Variants in COL23A1 observed in about 807,000 individuals in gnomAD.
COL23A1 encodes the protein collagen type XXIII alpha 1 chain, also known as collagen alpha-1(XXIII) chain.
Under a neutral mutation model 99.3 loss-of-function variants are expected in COL23A1, and 97 were observed. That is an observed-to-expected ratio of 0.98 (90% CI 0.83 to 1.16). COL23A1 has a LOEUF of 1.16. Among genes scored for constraint, COL23A1 ranks in the 50% most tolerant of loss-of-function variants. The pLI is 0.00. For synonymous variants in COL23A1, 320 were observed against 308.2 expected, an observed-to-expected ratio of 1.04 and a Z score of -0.40; for missense variants, 762 against 757.4, an observed-to-expected ratio of 1.01 and a Z score of -0.07.
At chr5:178,440,805 T>C (rs6892799) in intron 2 of COL23A1, among the ~76,000 whole-genome samples, 52,568 of 151,742 alleles carry the variant, frequency 0.35, 14,330 homozygotes, top group African/African-American at 0.76. Flanking sequence ...TTAGTAGAGA[T>C]GGGGCTTCAT....
At chr5:178,254,314 G>T (rs760001265) in intron 16 of COL23A1, among the ~76,000 whole-genome samples, 5 of 152,210 alleles carry the variant, frequency 3.3e-5, no homozygotes, top group Admixed American at 1.3e-4. Context: ...GCATGCCTGG[G>T]GGTGGGTGCC....
chr5:178,250,128 A>G (rs1203836906), intron 17 of COL23A1, 23 bp from the exon 18 acceptor site: 1 of 1,614,000 alleles, frequency 6.2e-7, no homozygotes, highest in Admixed American at 1.7e-5. Flanking sequence ...AGATGGCAAG[A>G]GGGGTTATGC....
chr5:178,380,938 T>A (rs1439271486), intron 2 of COL23A1, among the ~76,000 whole-genome samples: 1 of 152,120 alleles, frequency 6.6e-6, no homozygotes, highest in Admixed American at 6.5e-5. Context: ...ACCCTGGAGA[T>A]GTGTGGGCCC....
At chr5:178,263,010 TGGGGTCAGGGTCA>T (rs1470910717) in intron 9 of COL23A1, among the ~76,000 whole-genome samples, 185 bp downstream of exon 9, 1 of 152,054 alleles carries the variant, frequency 6.6e-6, no homozygotes, top group Non-Finnish European at 1.5e-5. Context: ...GGTTTGGGTC[TGGGGTCAGGGTCA>T]GGATCTGAAT....
intron 2 of COL23A1, among the ~76,000 whole-genome samples, chr5:178,480,998 A>G (rs1404273670): frequency 6.6e-6 from 1 of 151,924 alleles, no homozygotes; most frequent in Non-Finnish European, 1.5e-5. Flanking sequence ...ATACAAAAAA[A>G]TTAGCTGGGC....
At chr5:178,347,144 G>T (rs1212905085) in intron 2 of COL23A1, among the ~76,000 whole-genome samples, 1 of 152,138 alleles carries the variant, frequency 6.6e-6, no homozygotes, top group Admixed American at 6.5e-5. Context: ...GCACTGGCCC[G>T]AGACCTTTCT....
At chr5:178,490,462 C>T (rs182033623) in intron 2 of COL23A1, among the ~76,000 whole-genome samples, 29 of 152,032 alleles carry the variant, frequency 1.9e-4, no homozygotes, top group Admixed American at 1.2e-3. Context: ...TGGGAAGTTG[C>T]GTTTAATGGG....
rs1231057016 is a variant in COL23A1 at position 178,468,489 on chromosome 5, T to C, written c.361+92193A>G. On this transcript the variant is annotated intron_variant, in intron 2 of 28. Coordinates refer to ENST00000390654, the MANE Select transcript of COL23A1 (RefSeq NM_173465.4). The surrounding 1 kb of genome is among the most constrained non-coding windows in gnomAD (Gnocchi z 4.2). ...ACACTGCCTGCAGGGCACGAGATGA[T>C]TATTTCGTTTCATCCTCACCCTGCC... Among the ~76,000 whole-genome samples the C allele has an allele frequency of 6.6e-6, 1 of 152,052 alleles. No homozygotes were observed. Among genetic ancestry groups the C allele is most frequent in the Non-Finnish European group, 1.5e-5 (1 of 68,000 alleles).
chr5:178,376,973 C>A (rs189092433), intron 2 of COL23A1, among the ~76,000 whole-genome samples: 178 of 152,314 alleles, frequency 1.2e-3, no homozygotes, highest in Non-Finnish European at 2.0e-3. Flanking sequence ...CCTCCCTCCC[C>A]TCGGCACACC....
At position 178,427,227 on chromosome 5, in the gene COL23A1, A is replaced by G. The variant is rs550387323; in HGVS notation, c.362-120308T>C. Among the ~76,000 whole-genome samples, 146 of 152,288 alleles carry G rather than the reference A, an allele frequency of 9.6e-4. 1 individual carries two copies. Among genetic ancestry groups the G allele is most frequent in the South Asian group, 2.9e-3 (14 of 4,820 alleles). On this transcript the variant is annotated intron_variant, in intron 2 of 28. Transcript: ENST00000390654. ...ATAATAATGATGATGAGATACCACT[A>G]CATACCTATGAGTATGGCCAAAATC...
At chr5:178,279,704 C>T (rs907835763) in intron 5 of COL23A1, among the ~76,000 whole-genome samples, 1 of 152,200 alleles carries the variant, frequency 6.6e-6, no homozygotes, top group Admixed American at 6.5e-5. Flanking sequence ...ACAGGCTTCT[C>T]ACCTCCCCCT....
chr5:178,238,730 C>CA, intron 28 of COL23A1, 30 bp from the exon 29 acceptor site: 1 of 1,612,034 alleles, frequency 6.2e-7, no homozygotes, highest in Non-Finnish European at 8.5e-7. Flanking sequence ...CTGAAGGTGA[C>CA]GAGGAGCCCG....
intron 3 of COL23A1, among the ~76,000 whole-genome samples, chr5:178,303,585 A>G (rs994050421): frequency 5.3e-5 from 8 of 152,064 alleles, no homozygotes; most frequent in Non-Finnish European, 8.8e-5. Context: ...CAGATAAAAG[A>G]CTCTAGCACA....
At chr5:178,327,406 C>A (rs1271862464) in intron 2 of COL23A1, among the ~76,000 whole-genome samples, 1 of 152,158 alleles carries the variant, frequency 6.6e-6, no homozygotes, top group Non-Finnish European at 1.5e-5. Flanking sequence ...CTATGGAAAA[C>A]CTGCCCACCT....
chr5:178,343,249 A>AC (rs1449356269), intron 2 of COL23A1, among the ~76,000 whole-genome samples: 4 of 151,978 alleles, frequency 2.6e-5, no homozygotes, highest in Non-Finnish European at 5.9e-5. Flanking sequence ...TCCCGCCTCC[A>AC]CCCCCATCAA....
chr5:178,288,644 G>T, intron 4 of COL23A1: 1 of 547,706 alleles, frequency 1.8e-6, no homozygotes. Flanking sequence ...GCCACGTGGG[G>T]ACGTGGGGTT....
At chr5:178,322,015 CG>C (rs1561859757) in intron 2 of COL23A1, among the ~76,000 whole-genome samples, 1 of 145,712 alleles carries the variant, frequency 6.9e-6, no homozygotes, top group East Asian at 2.0e-4. Context: ...TTTTTTGAGA[CG>C]GAGTCTTGCT....
At chr5:178,357,922 ATG>A (rs1219258271) in intron 2 of COL23A1, among the ~76,000 whole-genome samples, 12 of 97,720 alleles carry the variant, frequency 1.2e-4, no homozygotes, top group Admixed American at 8.4e-4. Flanking sequence ...GTGTATGTGT[ATG>A]TGTGTATGTG....
intron 6 of COL23A1, among the ~76,000 whole-genome samples, chr5:178,269,948 T>G (rs1756190963): frequency 6.6e-6 from 1 of 152,256 alleles, no homozygotes; most frequent in South Asian, 2.1e-4. Context: ...GAACTCAGCT[T>G]GATGCCCACC....
Sources: allele counts gnomAD v4.1 joint callset (sites outside exome capture counted in the v4.1 genomes callset), GRCh38; gene constraint gnomAD v4.1.1; non-coding constraint Gnocchi (gnomAD v3.1); transcripts MANE v1.5; gene names NCBI Gene and HGNC (gene_info 2026-07-23, HGNC 2026-07-21).